Variants in MAPK4 observed in about 807,000 individuals in gnomAD.
The protein encoded by MAPK4 is Erk3-related.
MAPK4 carries 22 observed loss-of-function variants against 47.7 expected under a neutral mutation model. The ratio of observed to expected loss-of-function variants is 0.46; its 90% CI spans 0.33 to 0.66. The LOEUF (loss-of-function observed/expected upper bound fraction) is 0.66. Among genes scored for constraint, MAPK4 ranks in the 30% least tolerant of loss-of-function variants. MAPK4 has a pLI of 0.02. For synonymous variants in MAPK4, 390 were observed against 365.7 expected (o/e 1.07, Z -0.76); for missense variants, 736 against 831.7 (o/e 0.88, Z 1.42).
At position 50,730,269 on chromosome 18, in the gene MAPK4, T is replaced by C. The variant is rs1329885414; in HGVS notation, c.*415T>C. ...ATTAGGCCCAGAGAGGCAGAGACACTCGCTTAAGATCACAGGCTTAGTGTG... is the reference window on the plus strand; with the variant it reads ...ATTAGGCCCAGAGAGGCAGAGACACCCGCTTAAGATCACAGGCTTAGTGTG... On this transcript the variant is annotated 3_prime_UTR_variant, in exon 6 of 6. Coordinates refer to ENST00000400384, the MANE Select transcript of MAPK4 (RefSeq NM_002747.4). 1 of 158,494 alleles carries C rather than the reference T, an allele frequency of 6.3e-6. No individual in the cohort carries two copies. The highest frequency in any genetic ancestry group is 6.4e-5 in the Admixed American group (1 of 15,690). 9.8% of individuals were successfully genotyped at this position (158,494 alleles called of 1,614,324 possible).
intron 1 of MAPK4, among the ~76,000 whole-genome samples, chr18:50,577,515 C>T (rs1199557207): frequency 1.3e-5 from 2 of 152,072 alleles, no homozygotes; most frequent in Admixed American, 6.6e-5. Context: ...TGTGAAGCTG[C>T]TTAGGTGATT....
At chr18:50,677,558 T>A (rs1015369182) in intron 2 of MAPK4, among the ~76,000 whole-genome samples, 16 of 151,542 alleles carry the variant, frequency 1.1e-4, no homozygotes, top group African/African-American at 3.2e-4. Context: ...TGTAAGGTTT[T>A]TTTTTGTTGT....
At chr18:50,667,632 T>G (rs1228672881) in intron 2 of MAPK4, among the ~76,000 whole-genome samples, 2 of 152,172 alleles carry the variant, frequency 1.3e-5, no homozygotes, top group Non-Finnish European at 2.9e-5. Flanking sequence ...TGCCTTTGTG[T>G]GGGACAAAAA....
At chr18:50,649,585 C>T (rs1240250883) in intron 1 of MAPK4, among the ~76,000 whole-genome samples, 4 of 152,194 alleles carry the variant, frequency 2.6e-5, no homozygotes, top group Non-Finnish European at 5.9e-5. Flanking sequence ...GTGTGTGTTC[C>T]GTAAGGAAGC....
intron 3 of MAPK4, among the ~76,000 whole-genome samples, chr18:50,717,803 T>C (rs1910719868): frequency 6.6e-6 from 1 of 152,146 alleles, no homozygotes; most frequent in Non-Finnish European, 1.5e-5. Flanking sequence ...TATGGGCAGC[T>C]GGTGTAATAA....
At chr18:50,572,800 C>T (rs1421950988) in intron 1 of MAPK4, among the ~76,000 whole-genome samples, 1 of 152,154 alleles carries the variant, frequency 6.6e-6, no homozygotes, top group Non-Finnish European at 1.5e-5. Flanking sequence ...TATTAAGTAA[C>T]CTTCTAGTTT....
At chr18:50,709,290 C>T (rs1240495037) in intron 2 of MAPK4, among the ~76,000 whole-genome samples, 3 of 152,164 alleles carry the variant, frequency 2.0e-5, no homozygotes, top group African/African-American at 7.2e-5. Context: ...AGTGCAGTGC[C>T]AGGGGCCTTC....
chr18:50,581,900 CAATTA>C (rs2042349234), intron 1 of MAPK4, among the ~76,000 whole-genome samples: 1 of 152,188 alleles, frequency 6.6e-6, no homozygotes, highest in East Asian at 1.9e-4. Flanking sequence ...AAGCACCATA[CAATTA>C]TCATTGTCCT....
chr18:50,729,391 C>T lies in MAPK4; in HGVS notation c.1301C>T (p.Ser434Leu), dbSNP rs867298401. Residue 434 changes from serine (S) to leucine (L), a missense_variant, in exon 6 of 6, where the codon TCG becomes TTG. Coordinates refer to ENST00000400384, the MANE Select transcript of MAPK4 (RefSeq NM_002747.4). ...CGCTCCTGCGACTACAAGGTGGGGT[C>T]GCCGTCCTACCTGGACAAGCTGCTG... ...YGRSCDYKVG[S>L]PSYLDKLLWR... is the part of the protein sequence containing the mutation. The T allele has an allele frequency of 5.1e-6, 8 of 1,564,748 alleles. No homozygotes were observed. In the Admixed American group the frequency reaches 1.5e-4, roughly 29 times the overall value.
intron 1 of MAPK4, among the ~76,000 whole-genome samples, chr18:50,652,781 G>A (rs1330254059): frequency 6.6e-6 from 1 of 152,128 alleles, no homozygotes; most frequent in African/African-American, 2.4e-5. Flanking sequence ...ACATAAAAGG[G>A]CTAAGAGGGG....
chr18:50,636,330 TGAAG>T (rs2042887969), intron 1 of MAPK4, among the ~76,000 whole-genome samples: 1 of 152,230 alleles, frequency 6.6e-6, no homozygotes, highest in Non-Finnish European at 1.5e-5. Flanking sequence ...CCCACCTGAC[TGAAG>T]CCCCAAGAGG....
intron 2 of MAPK4, among the ~76,000 whole-genome samples, chr18:50,695,838 G>T (rs1043447928): frequency 1.3e-5 from 2 of 152,242 alleles, no homozygotes; most frequent in East Asian, 3.8e-4. Flanking sequence ...TCTATTCAGA[G>T]CTGGGAGCTT....
At position 50,667,071 on chromosome 18, in the gene MAPK4, A is replaced by T. The variant is rs533207326; in HGVS notation, c.546+2567A>T. On this transcript the variant is annotated intron_variant, in intron 2 of 5. Coordinates refer to ENST00000400384, the MANE Select transcript of MAPK4 (RefSeq NM_002747.4). ...TCTCTGAGCGCTGTCTCCTTCATGA[A>T]GTCTTTCCGGATTCTGGGTTGGAAT... Among the ~76,000 whole-genome samples the T allele has an allele frequency of 7.9e-5, 12 of 152,238 alleles. No homozygotes were observed. The South Asian group carries it at 8.3e-4, about 11-fold the overall frequency.
At chr18:50,658,723 G>A (rs368150474) in intron 1 of MAPK4, among the ~76,000 whole-genome samples, 4 of 152,350 alleles carry the variant, frequency 2.6e-5, no homozygotes, top group South Asian at 4.1e-4. Flanking sequence ...TGGGCCCTGA[G>A]GGCATCAAAT....
chr18:50,598,250 TA>T (rs991840809), intron 1 of MAPK4, among the ~76,000 whole-genome samples: 1 of 152,154 alleles, frequency 6.6e-6, no homozygotes, highest in African/African-American at 2.4e-5. Flanking sequence ...AAGCAAGAAA[TA>T]GCGGCTGTCC....
intron 2 of MAPK4, among the ~76,000 whole-genome samples, chr18:50,682,741 C>A (rs1448731735): frequency 6.6e-6 from 1 of 152,162 alleles, no homozygotes; most frequent in Non-Finnish European, 1.5e-5. Flanking sequence ...TATGTATTTA[C>A]CCAAGAGAAA....
intron 1 of MAPK4, among the ~76,000 whole-genome samples, chr18:50,617,697 A>G (rs1394685560): frequency 1.3e-5 from 2 of 152,216 alleles, no homozygotes; most frequent in Non-Finnish European, 2.9e-5. Flanking sequence ...AATGAGAGAA[A>G]TGTGACAGGC....
intron 1 of MAPK4, among the ~76,000 whole-genome samples, chr18:50,593,640 A>T (rs1194927198): frequency 6.6e-6 from 1 of 152,210 alleles, no homozygotes; most frequent in Non-Finnish European, 1.5e-5. Context: ...ATGACAACTA[A>T]ATCCACTCCC....
intron 2 of MAPK4, among the ~76,000 whole-genome samples, chr18:50,666,281 G>A (rs1004500173): frequency 2.0e-5 from 3 of 152,160 alleles, no homozygotes; most frequent in Non-Finnish European, 4.4e-5. Flanking sequence ...CAGAGGTCTG[G>A]GTTCCTTCTA....
Sources: gnomAD v4.1 joint callset for allele counts (sites outside exome capture counted in the v4.1 genomes callset) on GRCh38, gnomAD v4.1.1 for gene constraint, MANE v1.5 for transcripts, NCBI Gene and HGNC (gene_info 2026-07-23, HGNC 2026-07-21) for gene names.